SAMD4A: variants seen among roughly 807,000 people sequenced by gnomAD.
SAMD4A encodes the protein protein Smaug homolog 1.
Under a neutral mutation model 81.3 loss-of-function variants are expected in SAMD4A, and 33 were observed. The ratio of observed to expected loss-of-function variants is 0.41; its 90% CI spans 0.31 to 0.54. The LOEUF (loss-of-function observed/expected upper bound fraction) is 0.54, where lower values mean the gene tolerates loss of function less well. SAMD4A is among the 20% of genes least tolerant of loss of function. The pLI is 0.37. For missense variants in SAMD4A, 854 were observed against 951.1 expected, an observed-to-expected ratio of 0.90 and a Z score of 1.34; for synonymous variants, 389 against 382.1, an observed-to-expected ratio of 1.02 and a Z score of -0.21.
chr14:54,768,122 C>T (rs1205630027), intron 8 of SAMD4A, among the ~76,000 whole-genome samples: 1 of 152,242 alleles, frequency 6.6e-6, no homozygotes. Flanking sequence ...AGTTGTCCTT[C>T]AGGCTGGCAC....
In SAMD4A at chr14:54,776,570, C is replaced by G. The variant is rs2038855582; in HGVS notation, c.2044+30C>G. The G allele has an allele frequency of 2.0e-6, 3 of 1,506,446 alleles. No individual in the cohort carries two copies. The African/African-American group carries it at 4.3e-5, about 22-fold the overall frequency. 93.3% of individuals were successfully genotyped at this position (1,506,446 alleles called of 1,614,324 possible). ...GGCCCGGCGCTTCATGTCCCCTTGA[C>G]ACAGAGGGGAGGCCAAAATAGATGC... On this transcript the variant is annotated intron_variant, in intron 11 of 12. Transcript: ENST00000554335.
chr14:54,679,021 GGGAAACAA>G (rs2036067717), intron 2 of SAMD4A, among the ~76,000 whole-genome samples: 1 of 152,184 alleles, frequency 6.6e-6, no homozygotes. Flanking sequence ...GGAGAAGTGG[GGGAAACAA>G]GGAAGACAGA....
chr14:54,769,115 C>G (rs1366845010), intron 8 of SAMD4A, among the ~76,000 whole-genome samples: 1 of 152,216 alleles, frequency 6.6e-6, no homozygotes, highest in Non-Finnish European at 1.5e-5. Flanking sequence ...AGTTACAGTT[C>G]TAGTCACTTG....
chr14:54,602,016 A>G (rs1227830235), intron 2 of SAMD4A, among the ~76,000 whole-genome samples: 1 of 152,204 alleles, frequency 6.6e-6, no homozygotes, highest in Non-Finnish European at 1.5e-5. Flanking sequence ...GAAACAAAGG[A>G]GAAAGCAGGA....
rs987253592 is a variant in SAMD4A, at chr14:54,567,167, T to C, written c.-593T>C. 2 of 152,218 alleles carry C rather than the reference T, an allele frequency of 1.3e-5. No homozygotes were observed. Among genetic ancestry groups the C allele is most frequent in the African/African-American group, 4.8e-5 (2 of 41,434 alleles). The allele number at this position is 152,218 out of a possible 1,614,324, so 9.4% of individuals were successfully genotyped here. A position where few individuals can be genotyped will look rare whatever the true frequency, so the allele number is the denominator to read the frequency against. ...AGTTTTCTGCGCGGGGAAGATCTGT[T>C]GCTGGTGCTGGCGTTCTTAAGCACG... On this transcript the variant is annotated 5_prime_UTR_variant, in exon 1 of 13. Coordinates refer to ENST00000554335, the MANE Select transcript of SAMD4A (RefSeq NM_015589.6).
At chr14:54,681,490 C>T (rs1226544725) in intron 2 of SAMD4A, among the ~76,000 whole-genome samples, 1 of 152,134 alleles carries the variant, frequency 6.6e-6, no homozygotes, top group African/African-American at 2.4e-5. Flanking sequence ...AGTATAGTGG[C>T]ATGATCATGG....
intron 3 of SAMD4A, among the ~76,000 whole-genome samples, chr14:54,730,751 A>T (rs989488831): frequency 6.6e-6 from 1 of 151,796 alleles, no homozygotes; most frequent in Admixed American, 6.6e-5. Flanking sequence ...ATCTGGTGTT[A>T]TTTTTTTTGT....
intron 3 of SAMD4A, among the ~76,000 whole-genome samples, chr14:54,730,975 A>G (rs2037545694): frequency 6.6e-6 from 1 of 152,212 alleles, no homozygotes; most frequent in African/African-American, 2.4e-5. Context: ...ACTTTTTTAA[A>G]GCAAATGCCT....
At chr14:54,727,112 G>T (rs2037434705) in intron 3 of SAMD4A, among the ~76,000 whole-genome samples, 2 of 138,368 alleles carry the variant, frequency 1.4e-5, no homozygotes, top group Admixed American at 7.8e-5. Flanking sequence ...TCACAACAAA[G>T]AACACTGTAA....
chr14:54,743,160 G>A (rs1016156364), intron 4 of SAMD4A, among the ~76,000 whole-genome samples: 4 of 152,196 alleles, frequency 2.6e-5, no homozygotes, highest in Non-Finnish European at 5.9e-5. Context: ...GATGGAGTGG[G>A]AGTGGCAAAG....
At chr14:54,625,162 G>A (rs1291793556) in intron 2 of SAMD4A, among the ~76,000 whole-genome samples, 1 of 151,826 alleles carries the variant, frequency 6.6e-6, no homozygotes. Flanking sequence ...AAGGTTTTCA[G>A]GAGATTAGGC....
chr14:54,566,664 C>A (rs1396806716), upstream of SAMD4A, among the ~76,000 whole-genome samples: 1 of 151,642 alleles, frequency 6.6e-6, no homozygotes, highest in African/African-American at 2.4e-5. Context: ...AGCGCTGTGC[C>A]GCCCTCGGCC....
chr14:54,788,271 G>A (rs963458506), intron 12 of SAMD4A, among the ~76,000 whole-genome samples: 15 of 152,182 alleles, frequency 9.9e-5, no homozygotes, highest in Admixed American at 4.6e-4. Flanking sequence ...CATCAGGGAC[G>A]TGGGTTGAGA....
intron 2 of SAMD4A, among the ~76,000 whole-genome samples, chr14:54,691,922 T>C (rs1203235119): frequency 2.6e-5 from 4 of 152,258 alleles, no homozygotes; most frequent in Admixed American, 1.3e-4. Context: ...CTGTCCCCCA[T>C]TGGATGACTT....
At position 54,791,030 on chromosome 14, in the gene SAMD4A, T is replaced by G. The variant is rs1300720865; in HGVS notation, c.*2086T>G. On this transcript the variant is annotated 3_prime_UTR_variant, in exon 13 of 13. Transcript: ENST00000554335. The stretch of plus-strand genomic sequence containing the variant: ...TCCTTGGGTGACTAAGTTCTAAAGA[T>G]GCAAATCCATGTGCAGAAAGAGATG... The G allele has an allele frequency of 6.6e-6, 1 of 152,154 alleles. No homozygotes were observed. The highest frequency in any genetic ancestry group is 1.5e-5 in the Non-Finnish European group (1 of 68,022). The allele number at this position is 152,154 out of a possible 1,614,324, so 9.4% of individuals were successfully genotyped here.
At chr14:54,570,859 G>A (rs536361516) in intron 2 of SAMD4A, among the ~76,000 whole-genome samples, 53 of 152,282 alleles carry the variant, frequency 3.5e-4, no homozygotes, top group African/African-American at 1.3e-3. Context: ...ACTAGGCTGT[G>A]CAGAATGACT....
In SAMD4A at chr14:54,779,923, G is replaced by T. The variant is rs919164208; in HGVS notation, c.2044+3383G>T. 3.9e-5 allele frequency among the ~76,000 whole-genome samples: 6 copies of T among 152,162 alleles called. No individual in the cohort carries two copies. The East Asian group carries it at 1.2e-3, about 29-fold the overall frequency. On this transcript the variant is annotated intron_variant, in intron 11 of 12. Transcript: ENST00000554335. Reference sequence around the variant, plus strand: ...GCGAATGGTCACGTTCCTCATGGAGGCAGGGCGTTTTCTCAACTAGATAAC... The same window carrying T: ...GCGAATGGTCACGTTCCTCATGGAGTCAGGGCGTTTTCTCAACTAGATAAC...
At chr14:54,603,427 G>T (rs2034113860) in intron 2 of SAMD4A, among the ~76,000 whole-genome samples, 1 of 152,194 alleles carries the variant, frequency 6.6e-6, no homozygotes, top group Non-Finnish European at 1.5e-5. Flanking sequence ...GCTGTCTAGT[G>T]ACTCAACAAT....
intron 2 of SAMD4A, among the ~76,000 whole-genome samples, chr14:54,591,781 G>A (rs944903770): frequency 6.6e-6 from 1 of 151,942 alleles, no homozygotes; most frequent in Non-Finnish European, 1.5e-5. Context: ...CCTTTATATT[G>A]CAACTAGGTC....
Sources: gnomAD v4.1 joint callset for allele counts (sites outside exome capture counted in the v4.1 genomes callset) on GRCh38, gnomAD v4.1.1 for gene constraint, MANE v1.5 for transcripts, NCBI Gene and HGNC (gene_info 2026-07-23, HGNC 2026-07-21) for gene names.